Variants in CFAP300 observed in about 807,000 individuals in gnomAD.
CFAP300 encodes the protein cilia and flagella associated protein 300, also known as cilia- and flagella-associated protein 300.
A neutral mutation model predicts 33.0 loss-of-function variants in CFAP300; 32 were observed. The ratio of observed to expected loss-of-function variants is 0.97; its 90% CI spans 0.73 to 1.30. The LOEUF (loss-of-function observed/expected upper bound fraction) is 1.30, where lower values mean the gene tolerates loss of function less well. CFAP300 is among the 50% of genes most tolerant of loss of function. The pLI is 0.00. For synonymous variants in CFAP300, 102 were observed against 106.8 expected (o/e 0.95, Z 0.28); for missense variants, 356 against 318.1 (o/e 1.12, Z -0.90).
chr11:102,080,089 T>A (rs1407546345), intron 5 of CFAP300, among the ~76,000 whole-genome samples: 4 of 152,046 alleles, frequency 2.6e-5, no homozygotes, highest in Non-Finnish European at 5.9e-5. Context: ...CAAGACCAGC[T>A]TGGGCAATAT....
intron 4 of CFAP300, among the ~76,000 whole-genome samples, chr11:102,072,995 T>G (rs1942336266): frequency 6.6e-6 from 1 of 152,038 alleles, no homozygotes; most frequent in Admixed American, 6.6e-5. Flanking sequence ...GTAGGCCAGT[T>G]TTTGGGCCCC....
At chr11:102,056,983 C>G (rs1159780523) in intron 2 of CFAP300, among the ~76,000 whole-genome samples, 1 of 151,614 alleles carries the variant, frequency 6.6e-6, no homozygotes, top group East Asian at 1.9e-4. Context: ...CACCCTCAAA[C>G]CTTGTGATGA....
intron 2 of CFAP300, among the ~76,000 whole-genome samples, chr11:102,056,842 C>T (rs1225758237): frequency 2.6e-5 from 4 of 151,830 alleles, no homozygotes; most frequent in African/African-American, 7.3e-5. Context: ...CCAGGCTGAT[C>T]TTGAACTCCT....
At chr11:102,074,399 TG>T (rs1942366613) in intron 4 of CFAP300, among the ~76,000 whole-genome samples, 1 of 152,208 alleles carries the variant, frequency 6.6e-6, no homozygotes. Flanking sequence ...ACCATTTTCC[TG>T]CATTGGGAAG....
At chr11:102,070,101 A>T (rs191586234) in intron 4 of CFAP300, among the ~76,000 whole-genome samples, 2 of 152,324 alleles carry the variant, frequency 1.3e-5, no homozygotes, top group African/African-American at 4.8e-5. Flanking sequence ...AGTTGCAAAC[A>T]TGGGCCTCAA....
chr11:102,054,464 G>A lies in CFAP300; in HGVS notation c.193-4416G>A, dbSNP rs562843210. Among the ~76,000 whole-genome samples the A allele has an allele frequency of 2.0e-5, 3 of 152,190 alleles. No homozygotes were observed. In the South Asian group the frequency reaches 6.2e-4, roughly 32 times the overall value. On this transcript the variant is annotated intron_variant, in intron 2 of 6. Coordinates refer to ENST00000434758, the MANE Select transcript of CFAP300 (RefSeq NM_032930.3). ...TAAGAGAAGTGAGGCTGGGCTCGGT[G>A]GTGCACGCCTGTAATCCCAACACTT...
At position 102,047,799 on chromosome 11, in the gene CFAP300, T is replaced by C. The variant is rs1941905410; in HGVS notation, c.111-16T>C. Reference sequence around the variant, plus strand: ...TGCCAGCCCCCAGATGATTTCTTTTTCCTCCTCTGCCCCAGGTCCATGCTG... The same window carrying C: ...TGCCAGCCCCCAGATGATTTCTTTTCCCTCCTCTGCCCCAGGTCCATGCTG... On this transcript the variant is annotated splice_polypyrimidine_tract_variant and intron_variant, in intron 1 of 6. Coordinates refer to ENST00000434758, the MANE Select transcript of CFAP300 (RefSeq NM_032930.3). 2.5e-6 allele frequency: 4 copies of C among 1,613,262 alleles called. No homozygotes were observed. The highest frequency in any genetic ancestry group is 3.4e-6 in the Non-Finnish European group (4 of 1,179,818).
chr11:102,081,328 A>G, intron 6 of CFAP300, 47 bp downstream of exon 6: 1 of 1,474,042 alleles, frequency 6.8e-7, no homozygotes, highest in Non-Finnish European at 9.5e-7. Flanking sequence ...ATTACTTTTT[A>G]TTAATAGAGT....
In CFAP300 at chr11:102,083,160, T is replaced by C; in HGVS notation, c.765T>C (p.His255=). The C allele has an allele frequency of 6.4e-7, 1 of 1,559,338 alleles. No individual in the cohort carries two copies. The highest frequency in any genetic ancestry group is 8.7e-7 in the Non-Finnish European group (1 of 1,149,778). Residue 255 remains histidine, a synonymous_variant, in exon 7 of 7, where the codon CAT becomes CAC. Transcript: ENST00000434758. ...TGGATCCTATCAGGCGTCACCTTCA[T>C]GTTTTATACCACTGTTATGGTGTGG... ...FIVDPIRRHL[H]VLYHCYGVGD...
chr11:102,053,065 T>C (rs942209233), intron 2 of CFAP300, among the ~76,000 whole-genome samples: 2 of 151,344 alleles, frequency 1.3e-5, no homozygotes, highest in African/African-American at 2.4e-5. Flanking sequence ...CTGTCTCTAC[T>C]AAAAAACACA....
intron 4 of CFAP300, among the ~76,000 whole-genome samples, chr11:102,068,785 T>G (rs905876422): frequency 6.6e-6 from 1 of 152,212 alleles, no homozygotes. Context: ...AGATTTCGTC[T>G]CAAAAGAAGA....
At chr11:102,076,128 C>A in intron 5 of CFAP300, 83 bp downstream of exon 5, 1 of 1,420,852 alleles carries the variant, frequency 7.0e-7, no homozygotes, top group Non-Finnish European at 9.4e-7. Flanking sequence ...TACACAACAT[C>A]ATTCAGTGGT....
intron 5 of CFAP300, among the ~76,000 whole-genome samples, chr11:102,080,048 A>G (rs1242127788): frequency 6.6e-6 from 1 of 152,184 alleles, no homozygotes; most frequent in African/African-American, 2.4e-5. Context: ...TTGGGAGGCC[A>G]AAGCAGAAGG....
chr11:102,047,896 G>C lies in CFAP300; in HGVS notation c.192G>C (p.Met64Ile). 1 of 1,614,062 alleles carries C rather than the reference G, an allele frequency of 6.2e-7. No individual in the cohort carries two copies. Among genetic ancestry groups the C allele is most frequent in the Non-Finnish European group, 8.5e-7 (1 of 1,179,982 alleles). ...FQSYRKDDFV[M>I]AFFKDPNVIP... ...CCTATCGGAAGGATGATTTCGTTAT[G>C]GTTAGTATGGGGGTCGGAGAGTTCC... is the stretch of plus-strand genomic sequence containing the variant. Residue 64 changes from methionine (M) to isoleucine (I), a missense_variant and splice_region_variant, in exon 2 of 7, where the codon ATG becomes ATC. Met to Ile is a conservative substitution (Grantham distance 10). Coordinates refer to ENST00000434758, the MANE Select transcript of CFAP300 (RefSeq NM_032930.3).
In CFAP300 at chr11:102,048,979, G is replaced by A. The variant is rs553242651; in HGVS notation, c.192+1083G>A. ...GAATTCCTTCCAGTGCTGGGGATACGAGGAGGAACAAGACAAGAGCCCAGC... is the reference window on the plus strand; with the variant it reads ...GAATTCCTTCCAGTGCTGGGGATACAAGGAGGAACAAGACAAGAGCCCAGC... On this transcript the variant is annotated intron_variant, in intron 2 of 6. Coordinates refer to ENST00000434758, the MANE Select transcript of CFAP300 (RefSeq NM_032930.3). 3.9e-5 allele frequency among the ~76,000 whole-genome samples: 6 copies of A among 152,286 alleles called. No individual in the cohort carries two copies. The South Asian group carries it at 1.2e-3, about 32-fold the overall frequency.
At chr11:102,083,044 A>G in intron 6 of CFAP300, 27 bp from the exon 7 acceptor site, 1 of 1,220,750 alleles carries the variant, frequency 8.2e-7, no homozygotes, top group Non-Finnish European at 1.1e-6. Flanking sequence ...AAATAAAATA[A>G]TAATAATTTA....
intron 3 of CFAP300, among the ~76,000 whole-genome samples, chr11:102,060,154 T>C (rs575683260): frequency 1.8e-4 from 27 of 152,294 alleles, no homozygotes; most frequent in African/African-American, 6.5e-4. Context: ...GTGTTTTTAG[T>C]AGAGACGGGG....
chr11:102,048,120 A>G (rs1385886075), intron 2 of CFAP300, among the ~76,000 whole-genome samples: 1 of 152,180 alleles, frequency 6.6e-6, no homozygotes, highest in Admixed American at 6.5e-5. Context: ...TACTTTCAGC[A>G]TCTTGTATCT....
At chr11:102,059,067 A>C in intron 3 of CFAP300, 112 bp downstream of exon 3, 1 of 610,058 alleles carries the variant, frequency 1.6e-6, no homozygotes, top group Non-Finnish European at 2.8e-6. Flanking sequence ...TGTTTGATAC[A>C]TCAAGATCAA....
Sources: allele counts gnomAD v4.1 joint callset (sites outside exome capture counted in the v4.1 genomes callset), GRCh38; gene constraint gnomAD v4.1.1; transcripts MANE v1.5; gene names NCBI Gene and HGNC (gene_info 2026-07-23, HGNC 2026-07-21).